Variants in XKR6 observed in about 807,000 individuals in gnomAD.
XKR6 encodes XK related 6.
Under a neutral mutation model 56.7 loss-of-function variants are expected in XKR6, and 22 were observed. That is an observed-to-expected ratio of 0.39 (90% CI 0.28 to 0.55). The LOEUF (loss-of-function observed/expected upper bound fraction) is 0.55, where lower values mean the gene tolerates loss of function less well. Ranked by LOEUF, XKR6 falls within the 20% of genes least tolerant of loss-of-function variation. The probability of loss-of-function intolerance (pLI) is 0.66; values close to 1 mark genes in which losing one functional copy is unlikely to be tolerated. For missense variants in XKR6, 852 were observed against 889.0 expected, an observed-to-expected ratio of 0.96 and a Z score of 0.53; for synonymous variants, 524 against 387.8, an observed-to-expected ratio of 1.35 and a Z score of -4.13.
At chr8:11,160,807 T>C (rs1447063371) in intron 1 of XKR6, among the ~76,000 whole-genome samples, 2 of 145,878 alleles carry the variant, frequency 1.4e-5, no homozygotes, top group African/African-American at 2.6e-5. Context: ...AGCTACTCGG[T>C]AGGCTAAGCC....
Position 10,931,672 on chromosome 8 carries a change from G to A in XKR6, c.765-6842C>T, listed in dbSNP as rs1801053207. On this transcript the variant is annotated intron_variant, in intron 1 of 2. Coordinates refer to ENST00000416569, the MANE Select transcript of XKR6 (RefSeq NM_173683.4). ...GTTGATAGTCTTTTCAACAAATGAT[G>A]TAGTAATAATAAGTCATTCATATGC... Among the ~76,000 whole-genome samples, 4 of 152,234 alleles carry A rather than the reference G, an allele frequency of 2.6e-5. No homozygotes were observed. The South Asian group carries it at 8.3e-4, about 32-fold the overall frequency.
chr8:11,093,353 A>C (rs1409210438), intron 1 of XKR6, among the ~76,000 whole-genome samples: 2 of 151,768 alleles, frequency 1.3e-5, no homozygotes, highest in Admixed American at 6.6e-5. Flanking sequence ...CCACGCCCAG[A>C]TCTTCCCCAG....
chr8:10,908,365 G>A (rs911411816), intron 2 of XKR6, among the ~76,000 whole-genome samples: 1 of 145,732 alleles, frequency 6.9e-6, no homozygotes, highest in Admixed American at 6.7e-5. Context: ...CGGCAGGGCT[G>A]CCCTGCCATA....
rs140278843 is a variant in XKR6, at chr8:10,923,160, G to A, written c.961+1474C>T. On this transcript the variant is annotated intron_variant, in intron 2 of 2. Transcript: ENST00000416569. ...CAGAGGTTGTGGCTGCCTTGAGCAT[G>A]CAGCTTATGCTTCCTGAAGCCTTGT... is the stretch of plus-strand genomic sequence containing the variant. Among the ~76,000 whole-genome samples, 534 of 152,366 alleles carry A rather than the reference G, an allele frequency of 3.5e-3. 6 individuals carry two copies. Among genetic ancestry groups the A allele is most frequent in the African/African-American group, 0.012 (492 of 41,592 alleles).
At chr8:11,132,031 G>C (rs1470123385) in intron 1 of XKR6, among the ~76,000 whole-genome samples, 1 of 152,072 alleles carries the variant, frequency 6.6e-6, no homozygotes, top group Non-Finnish European at 1.5e-5. Context: ...TATCTTCTCT[G>C]CATTCTGTGC....
chr8:11,181,517 G>A (rs1372291843), intron 1 of XKR6, among the ~76,000 whole-genome samples: 1 of 152,144 alleles, frequency 6.6e-6, no homozygotes. Flanking sequence ...GGACATATTT[G>A]TAACTTGCTT....
intron 1 of XKR6, among the ~76,000 whole-genome samples, chr8:11,197,279 A>C (rs1803943173): frequency 6.6e-6 from 1 of 152,232 alleles, no homozygotes; most frequent in Non-Finnish European, 1.5e-5. Flanking sequence ...TGTGGCCATG[A>C]AATTTTGGTC....
intron 1 of XKR6, among the ~76,000 whole-genome samples, chr8:10,978,537 T>C (rs1023275367): frequency 3.3e-5 from 5 of 152,224 alleles, no homozygotes; most frequent in African/African-American, 1.2e-4. Context: ...TTGGGCTTTT[T>C]ATTAGGGTCT....
chr8:11,013,053 T>G (rs1333186697), intron 1 of XKR6, among the ~76,000 whole-genome samples: 3 of 152,056 alleles, frequency 2.0e-5, no homozygotes, highest in African/African-American at 7.2e-5. Context: ...GGAGGGGAAG[T>G]GAATTTCCCA....
intron 1 of XKR6, among the ~76,000 whole-genome samples, chr8:11,113,487 T>G (rs1218600279): frequency 6.6e-6 from 1 of 152,176 alleles, no homozygotes; most frequent in Non-Finnish European, 1.5e-5. Flanking sequence ...CTGATACAAC[T>G]AACATTCTCC....
At chr8:11,097,307 C>G (rs757190452) in intron 1 of XKR6, among the ~76,000 whole-genome samples, 1 of 152,138 alleles carries the variant, frequency 6.6e-6, no homozygotes, top group Non-Finnish European at 1.5e-5. Context: ...CTTCTACATT[C>G]AGGATGCAAT....
At chr8:11,014,028 G>C (rs754112637) in intron 1 of XKR6, among the ~76,000 whole-genome samples, 1 of 152,202 alleles carries the variant, frequency 6.6e-6, no homozygotes, top group Non-Finnish European at 1.5e-5. Context: ...CAGGCCTAAC[G>C]GGCCAGAAGG....
chr8:10,994,168 T>A (rs548815405), intron 1 of XKR6, among the ~76,000 whole-genome samples: 4 of 152,324 alleles, frequency 2.6e-5, no homozygotes, highest in Non-Finnish European at 5.9e-5. Flanking sequence ...TTTCCCACTG[T>A]CATCCTGCCA....
At chr8:10,959,153 C>T (rs560510751) in intron 1 of XKR6, among the ~76,000 whole-genome samples, 15 of 152,300 alleles carry the variant, frequency 9.8e-5, no homozygotes, top group East Asian at 5.8e-4. Context: ...ACAGTTCACG[C>T]GGCTTTCACT....
intron 1 of XKR6, among the ~76,000 whole-genome samples, chr8:11,054,506 C>G (rs1280329893): frequency 1.3e-5 from 2 of 152,194 alleles, no homozygotes; most frequent in Non-Finnish European, 2.9e-5. Context: ...TGGGTGGGCA[C>G]AGAGTCCTGC....
intron 1 of XKR6, among the ~76,000 whole-genome samples, chr8:10,995,231 T>A (rs1434318651): frequency 2.6e-5 from 4 of 151,912 alleles, no homozygotes; most frequent in African/African-American, 9.7e-5. Context: ...ATTTGGGGTG[T>A]CGGCTGGGCA....
At chr8:10,991,183 C>T (rs780518561) in intron 1 of XKR6, among the ~76,000 whole-genome samples, 2 of 152,206 alleles carry the variant, frequency 1.3e-5, no homozygotes, top group East Asian at 3.9e-4. Flanking sequence ...GGATTACAGG[C>T]GTGAGCCACC....
intron 1 of XKR6, among the ~76,000 whole-genome samples, chr8:10,956,074 C>T (rs554203122): frequency 6.6e-6 from 1 of 152,276 alleles, no homozygotes; most frequent in African/African-American, 2.4e-5. Flanking sequence ...TGTGCCTGCC[C>T]AGTGCTCCTG....
Position 10,915,697 on chromosome 8 carries a change from C to A in XKR6, c.961+8937G>T, listed in dbSNP as rs554462263. Among the ~76,000 whole-genome samples the A allele has an allele frequency of 2.0e-5, 3 of 152,248 alleles. No homozygotes were observed. The East Asian group carries it at 5.8e-4, about 29-fold the overall frequency. On this transcript the variant is annotated intron_variant, in intron 2 of 2. Coordinates refer to ENST00000416569, the MANE Select transcript of XKR6 (RefSeq NM_173683.4). ...GTTTAATGTATTGCTTAACAAGAAGCCGTTTGGAGCTAGAGCAGGACTTGC... is the reference window on the plus strand; with the variant it reads ...GTTTAATGTATTGCTTAACAAGAAGACGTTTGGAGCTAGAGCAGGACTTGC...
Sources: allele counts gnomAD v4.1 joint callset (sites outside exome capture counted in the v4.1 genomes callset), GRCh38; gene constraint gnomAD v4.1.1; transcripts MANE v1.5; gene names NCBI Gene and HGNC (gene_info 2026-07-23, HGNC 2026-07-21).